The following COIL variants were observed in gnomAD, a reference collection of about 807,000 sequenced individuals.
The protein encoded by COIL is coilin.
COIL carries 28 observed loss-of-function variants against 51.6 expected under a neutral mutation model. The observed-to-expected ratio is 0.54, with a 90% CI of 0.40 to 0.74. The LOEUF (loss-of-function observed/expected upper bound fraction) is 0.74. Ranked by LOEUF, COIL falls within the 30% of genes least tolerant of loss-of-function variation. The pLI is 0.00. For missense variants in COIL, 667 were observed against 685.9 expected (o/e 0.97, Z 0.31); for synonymous variants, 233 against 255.8 (o/e 0.91, Z 0.85).
chr17:56,960,523 CAA>C (rs71363870), intron 1 of COIL, among the ~76,000 whole-genome samples: 1 of 135,230 alleles, frequency 7.4e-6, no homozygotes, highest in Non-Finnish European at 1.6e-5. Context: ...GACTCCGTCT[CAA>C]AAAAAAAAAA....
chr17:56,948,381 C>T (rs7208213), intron 4 of COIL, among the ~76,000 whole-genome samples: 6,308 of 151,952 alleles, frequency 0.042, 425 homozygotes, highest in African/African-American at 0.14. Context: ...TCTCGTGATC[C>T]ACCCACCTTG....
chr17:56,958,186 T>A (rs547259973), intron 1 of COIL, among the ~76,000 whole-genome samples: 2 of 152,340 alleles, frequency 1.3e-5, no homozygotes, highest in South Asian at 2.1e-4. Flanking sequence ...TCCATGCTGA[T>A]CTCCCTTTTC....
chr17:56,942,311 A>AG (rs149264796), intron 5 of COIL, among the ~76,000 whole-genome samples, 188 bp from the exon 6 acceptor site: 1 of 152,316 alleles, frequency 6.6e-6, no homozygotes, highest in African/African-American at 2.4e-5. Flanking sequence ...ACTCTGGACC[A>AG]GGGGGACTTC....
intron 4 of COIL, among the ~76,000 whole-genome samples, chr17:56,947,391 T>C (rs1910270728): frequency 6.6e-6 from 1 of 152,164 alleles, no homozygotes; most frequent in Non-Finnish European, 1.5e-5. Context: ...TTGAAAGCAA[T>C]TTCAAAAATC....
Position 56,942,025 on chromosome 17 carries a change from G to GCA in COIL, c.1647+8_1647+9dup. ...ATGGCCAAGCAACGCAAGAAGAGAA[G>GCA]CACACCTACCTTGCTCTCCTGTGTC... On this transcript the variant is annotated intron_variant, in intron 6 of 6. Transcript: ENST00000240316. 6.2e-7 allele frequency: 1 copy of GCA among 1,608,600 alleles called. No individual in the cohort carries two copies. The highest frequency in any genetic ancestry group is 1.1e-5 in the South Asian group (1 of 90,970).
At position 56,960,833 on chromosome 17, in the gene COIL, C is replaced by A. The variant is rs761853643; in HGVS notation, c.187G>T (p.Gly63Trp). 6.9e-6 allele frequency: 11 copies of A among 1,604,366 alleles called. No individual in the cohort carries two copies. The highest frequency in any genetic ancestry group is 1.7e-5 in the Admixed American group (1 of 58,130). Reference protein sequence around the residue: ...SGAFLGLYLEGGLLPPAESAR... With the variant: ...SGAFLGLYLEWGLLPPAESAR... ...CTCTCGGCGGGGGGCAAGAGCCCCC[C>A]CTCCAGGTAGAGGCCTAGGAAGGCC... Residue 63 changes from glycine to tryptophan, a missense_variant, in exon 1 of 7, where the codon GGG becomes TGG. Coordinates refer to ENST00000240316, the MANE Select transcript of COIL (RefSeq NM_004645.3).
chr17:56,953,252 A>C (rs562944256), intron 1 of COIL, among the ~76,000 whole-genome samples: 10 of 151,912 alleles, frequency 6.6e-5, no homozygotes, highest in Non-Finnish European at 1.5e-4. Flanking sequence ...TCTACTAAAA[A>C]TACAAAAAAT....
Position 56,960,807 on chromosome 17 carries a change from G to C in COIL, c.213C>G (p.Ser71Arg). The C allele has an allele frequency of 6.3e-7, 1 of 1,587,982 alleles. No homozygotes were observed. Among genetic ancestry groups the C allele is most frequent in the Non-Finnish European group, 8.6e-7 (1 of 1,169,124 alleles). Residue 71 changes from serine to arginine, a missense_variant, in exon 1 of 7, where the codon AGC (serine) becomes AGG (arginine). By Grantham distance (110) the Ser-to-Arg change is moderately radical (BLOSUM62 -1). Transcript: ENST00000240316. ...AGTCGTTGTCTCTCACAAGGCGCGCGCTCTCGGCGGGGGGCAAGAGCCCCC... is the reference window on the plus strand; with the variant it reads ...AGTCGTTGTCTCTCACAAGGCGCGCCCTCTCGGCGGGGGGCAAGAGCCCCC... ...LEGGLLPPAESARLVRDNDCL... is the reference protein window; with the variant it reads ...LEGGLLPPAERARLVRDNDCL...
rs746602609 is a variant in COIL, at chr17:56,949,748, T to C, written c.1373A>G (p.Lys458Arg). Reference protein sequence around the residue: ...TIIQNPVETPKKDYSLLPLLA... With the variant: ...TIIQNPVETPRKDYSLLPLLA... The stretch of plus-strand genomic sequence containing the variant: ...CAGTGGTAACAGACTATAGTCCTTC[T>C]TGGGTGTCTCTACTGGATTCTGAAA... Residue 458 changes from lysine (K) to arginine (R), a missense_variant, in exon 3 of 7, where the codon AAG (lysine) becomes AGG (arginine). Transcript: ENST00000240316. 2 of 1,614,154 alleles carry C rather than the reference T, an allele frequency of 1.2e-6. No homozygotes were observed. The highest frequency in any genetic ancestry group is 1.1e-5 in the South Asian group (1 of 91,088).
At chr17:56,956,876 G>A (rs1194738926) in intron 1 of COIL, among the ~76,000 whole-genome samples, 5 of 152,182 alleles carry the variant, frequency 3.3e-5, no homozygotes, top group African/African-American at 1.2e-4. Flanking sequence ...TTATAGGCAT[G>A]AGACATGGCG....
At chr17:56,944,211 T>C (rs1181175804) in intron 5 of COIL, among the ~76,000 whole-genome samples, 4 of 152,086 alleles carry the variant, frequency 2.6e-5, no homozygotes, top group Non-Finnish European at 5.9e-5. Context: ...GATCAGGCTG[T>C]ATGCACAGAA....
intron 5 of COIL, among the ~76,000 whole-genome samples, chr17:56,942,660 C>A (rs1910170297): frequency 6.6e-6 from 1 of 152,120 alleles, no homozygotes; most frequent in African/African-American, 2.4e-5. Context: ...GGATTACAGG[C>A]ATGCACCACT....
chr17:56,950,470 T>G lies in COIL; in HGVS notation c.772A>C (p.Ser258Arg), dbSNP rs745914669. Residue 258 changes from serine (S) to arginine (R), a missense_variant, in exon 2 of 7, where the codon AGT becomes CGT. Physicochemically the swap from Ser to Arg is moderately radical, Grantham distance 110 (BLOSUM62 -1). Transcript: ENST00000240316. ...AAAGTGACTTTGCTGGGACCATCAC[T>G]GATAGATTCATCACAAGATTCAGAC... Reference protein sequence around the residue: ...SESESCDESISDGPSKVTLEA... With the variant: ...SESESCDESIRDGPSKVTLEA... 7.4e-6 allele frequency: 12 copies of G among 1,614,100 alleles called. No homozygotes were observed. The highest frequency in any genetic ancestry group is 9.3e-6 in the Non-Finnish European group (11 of 1,180,030).
In COIL at chr17:56,961,000, A is replaced by G. The variant is rs1910591911; in HGVS notation, c.20T>C (p.Val7Ala). Residue 7 changes from valine (V) to alanine (A), a missense_variant, in exon 1 of 7, where the codon GTT becomes GCT. By Grantham distance (64) the Val-to-Ala change is moderately conservative (BLOSUM62 0). Transcript: ENST00000240316. The part of the protein sequence containing the change: MAASET[V>A]RLRLQFDYPP... ...GTAATCAAATTGAAGCCGTAGCCTA[A>G]CCGTCTCGGAAGCTGCCATCTTGCT... The G allele has an allele frequency of 6.2e-7, 1 of 1,612,614 alleles. No individual in the cohort carries two copies. The highest frequency in any genetic ancestry group is 8.5e-7 in the Non-Finnish European group (1 of 1,179,196).
chr17:56,944,197 C>G (rs1429091360), intron 5 of COIL, among the ~76,000 whole-genome samples: 5 of 152,150 alleles, frequency 3.3e-5, no homozygotes, highest in Admixed American at 1.3e-4. Flanking sequence ...ACCTGACAAG[C>G]ACTGATCAGG....
In COIL at chr17:56,949,612, A is replaced by C; in HGVS notation, c.1440+69T>G. The C allele has an allele frequency of 4.1e-6, 6 of 1,481,256 alleles. No homozygotes were observed. In the South Asian group the frequency reaches 5.7e-5, roughly 14 times the overall value. 91.8% of individuals were successfully genotyped at this position (1,481,256 alleles called of 1,614,324 possible). A position where few individuals can be genotyped will look rare whatever the true frequency, so the allele number is the denominator to read the frequency against. On this transcript the variant is annotated intron_variant, in intron 3 of 6. Coordinates refer to ENST00000240316, the MANE Select transcript of COIL (RefSeq NM_004645.3). ...GGCTTTTACAAACACATTTAACCTG[A>C]TTTTCTAAGTAAGTTTATTTGGAAG...
At chr17:56,952,140 G>A in intron 1 of COIL, 1 of 459,002 alleles carries the variant, frequency 2.2e-6, no homozygotes, top group Non-Finnish European at 4.2e-6. Context: ...TAATGATGAA[G>A]CATGGTTACA....
In COIL at chr17:56,946,433, A is replaced by AAATTTCTAATT; in HGVS notation, c.1558+8_1558+9insAATTAGAAATT. On this transcript the variant is annotated intron_variant, in intron 5 of 6. Transcript: ENST00000240316. ...CCTACATTTTCAAATTATTTTCTAA[A>AAATTTCTAATT]AGACTCACCAGGTAAGGATGAAAGA... 6.3e-7 allele frequency: 1 copy of AAATTTCTAATT among 1,580,674 alleles called. No individual in the cohort carries two copies. Among genetic ancestry groups the AAATTTCTAATT allele is most frequent in the Non-Finnish European group, 8.7e-7 (1 of 1,151,590 alleles).
chr17:56,948,760 A>T (rs1319008133), intron 4 of COIL, among the ~76,000 whole-genome samples: 4 of 149,648 alleles, frequency 2.7e-5, no homozygotes, highest in Non-Finnish European at 5.9e-5. Flanking sequence ...TCCACGGATA[A>T]TATTTATGAA....
Sources: allele counts gnomAD v4.1 joint callset (sites outside exome capture counted in the v4.1 genomes callset), GRCh38; gene constraint gnomAD v4.1.1; transcripts MANE v1.5; gene names NCBI Gene and HGNC (gene_info 2026-07-23, HGNC 2026-07-21).